The following IFTAP variants were observed in gnomAD, a reference collection of about 807,000 sequenced individuals.
IFTAP encodes intraflagellar transport-associated protein.
A neutral mutation model predicts 19.4 loss-of-function variants in IFTAP; 19 were observed. The observed-to-expected ratio is 0.98, with a 90% CI of 0.68 to 1.44. The LOEUF (loss-of-function observed/expected upper bound fraction) is 1.44, where lower values mean the gene tolerates loss of function less well. Ranked by LOEUF, IFTAP falls within the 40% of genes most tolerant of loss-of-function variation. IFTAP has a pLI of 0.00. For missense variants in IFTAP, 240 were observed against 253.6 expected (o/e 0.95, Z 0.36); for synonymous variants, 85 against 83.5 (o/e 1.02, Z -0.10).
intron 5 of IFTAP, among the ~76,000 whole-genome samples, chr11:36,651,935 A>C (rs562736124): frequency 2.6e-5 from 4 of 152,240 alleles, no homozygotes; most frequent in African/African-American, 7.2e-5. Flanking sequence ...TACCAGTACT[A>C]TGCTGTTTTG....
At chr11:36,652,563 G>T (rs1026957613) in intron 5 of IFTAP, among the ~76,000 whole-genome samples, 1 of 152,124 alleles carries the variant, frequency 6.6e-6, no homozygotes, top group African/African-American at 2.4e-5. Flanking sequence ...CTGCCTGATT[G>T]CCCTGGCCAG....
intron 5 of IFTAP, among the ~76,000 whole-genome samples, chr11:36,653,470 C>A (rs144125155): frequency 6.2e-4 from 94 of 152,248 alleles, no homozygotes; most frequent in African/African-American, 2.2e-3. Context: ...TGTTCCATTG[C>A]ACAAAGTCTT....
chr11:36,610,657 CA>C (rs1239570205), intron 2 of IFTAP, among the ~76,000 whole-genome samples: 4 of 152,214 alleles, frequency 2.6e-5, no homozygotes, highest in South Asian at 2.1e-4. Context: ...GCCATGTGAT[CA>C]GGGGCAGGGG....
chr11:36,595,399 T>A (rs1031184781), intron 1 of IFTAP: 6 of 152,244 alleles, frequency 3.9e-5, no homozygotes, highest in African/African-American at 1.4e-4. Flanking sequence ...ATTGTTTACC[T>A]TAGAGAGTTG....
chr11:36,618,947 G>T (rs181926893), intron 2 of IFTAP, among the ~76,000 whole-genome samples: 9 of 151,972 alleles, frequency 5.9e-5, no homozygotes, highest in African/African-American at 2.2e-4. Flanking sequence ...CCTAGGAGAC[G>T]CTGCCAGTGA....
rs1854124777 is a variant in IFTAP, at chr11:36,659,258, A to G, written c.*72A>G. On this transcript the variant is annotated 3_prime_UTR_variant, in exon 6 of 6. Transcript: ENST00000334307. The stretch of plus-strand genomic sequence containing the variant: ...TATTCTAGCAACATTAGAATAAAAG[A>G]TAAACCTACTATAATTCCCTTTGTG... 3 of 1,320,482 alleles carry G rather than the reference A, an allele frequency of 2.3e-6. No individual in the cohort carries two copies. The highest frequency in any genetic ancestry group is 3.0e-6 in the Non-Finnish European group (3 of 999,814). 81.8% of individuals were successfully genotyped at this position (1,320,482 alleles called of 1,614,324 possible).
At chr11:36,651,090 C>G (rs1853704099) in intron 5 of IFTAP, among the ~76,000 whole-genome samples, 1 of 152,162 alleles carries the variant, frequency 6.6e-6, no homozygotes, top group African/African-American at 2.4e-5. Flanking sequence ...ATGGCTGGGT[C>G]AAATGGTATT....
At chr11:36,640,518 T>C (rs1021823078) in intron 4 of IFTAP, among the ~76,000 whole-genome samples, 3 of 152,242 alleles carry the variant, frequency 2.0e-5, no homozygotes, top group Non-Finnish European at 4.4e-5. Flanking sequence ...AGTGGTGTGC[T>C]GAACTGGTTT....
At chr11:36,629,201 C>T (rs1852635495) in intron 2 of IFTAP, among the ~76,000 whole-genome samples, 1 of 151,150 alleles carries the variant, frequency 6.6e-6, no homozygotes, top group Non-Finnish European at 1.5e-5. Flanking sequence ...AGAAACATTG[C>T]TCTAGGCAAG....
At chr11:36,609,511 A>C (rs1181066614) in intron 1 of IFTAP, among the ~76,000 whole-genome samples, 1 of 152,152 alleles carries the variant, frequency 6.6e-6, no homozygotes, top group Non-Finnish European at 1.5e-5. Context: ...ACTGTTTGTC[A>C]GTGATAGTAG....
rs1461311089 is a variant in IFTAP, at chr11:36,659,024, T to C, written c.504T>C (p.Leu168=). ...TCCTTTGTTACCTTTTATAGATACT[T>C]GGAGATGAAGTTCAACTTTTTTCAC... ...KRMDKQTEEI[L]GDEVQLFSLD... The change falls in exon 6 of 6, where the codon CTT becomes CTC. Residue 168 remains leucine (L), a synonymous_variant. Coordinates refer to ENST00000334307, the MANE Select transcript of IFTAP (RefSeq NM_138787.4). 1 of 1,590,922 alleles carries C rather than the reference T, an allele frequency of 6.3e-7. No homozygotes were observed. The highest frequency in any genetic ancestry group is 1.4e-5 in the African/African-American group (1 of 74,050).
At chr11:36,626,503 T>A (rs777344982) in intron 2 of IFTAP, among the ~76,000 whole-genome samples, 11 of 151,216 alleles carry the variant, frequency 7.3e-5, no homozygotes, top group Non-Finnish European at 1.2e-4. Context: ...TGAATATAAA[T>A]CTACATTTCA....
intron 5 of IFTAP, 29 bp from the exon 6 acceptor site, chr11:36,658,990 G>GT (rs766794501): frequency 1.0e-5 from 15 of 1,484,778 alleles, no homozygotes; most frequent in Non-Finnish European, 1.4e-5. Flanking sequence ...GATTGTGTAT[G>GT]TTTTTTCCTC....
intron 4 of IFTAP, 88 bp from the exon 5 acceptor site, chr11:36,647,928 C>A: frequency 6.8e-7 from 1 of 1,479,992 alleles, no homozygotes; most frequent in Non-Finnish European, 9.2e-7. Context: ...ATATTTGCTT[C>A]ATTTTCTTCG....
chr11:36,607,985 A>G (rs1207256179), intron 1 of IFTAP, among the ~76,000 whole-genome samples: 1 of 152,218 alleles, frequency 6.6e-6, no homozygotes, highest in Non-Finnish European at 1.5e-5. Context: ...AGAGACCCAG[A>G]GAGGTCAAGT....
At chr11:36,646,212 A>T (rs749269421) in intron 4 of IFTAP, among the ~76,000 whole-genome samples, 2 of 152,194 alleles carry the variant, frequency 1.3e-5, no homozygotes. Context: ...CAGAATGATG[A>T]TTTTAAATAG....
rs571562887 is a variant in IFTAP, at chr11:36,639,601, G to A, written c.358+3484G>A. ...GAAACTGCATGACGAGAGAGGAACC[G>A]AGAGAGAGGGAAAGAGGTGCCAGGC... On this transcript the variant is annotated intron_variant, in intron 4 of 5. Transcript: ENST00000334307. Among the ~76,000 whole-genome samples the A allele has an allele frequency of 3.1e-3, 478 of 152,236 alleles. 3 individuals carry two copies. The highest frequency in any genetic ancestry group is 0.011 in the African/African-American group (454 of 41,564).
chr11:36,629,583 A>C (rs1051147367), intron 2 of IFTAP, among the ~76,000 whole-genome samples: 3 of 151,504 alleles, frequency 2.0e-5, no homozygotes, highest in African/African-American at 7.4e-5. Flanking sequence ...TTGAATTTTT[A>C]AAAAAGTTTC....
At chr11:36,597,857 C>T (rs1293050523) in intron 1 of IFTAP, 2 of 152,016 alleles carry the variant, frequency 1.3e-5, no homozygotes, top group African/African-American at 4.8e-5. Flanking sequence ...CTGTCTTAGG[C>T]CAGAGAACGA....
Sources: allele counts gnomAD v4.1 joint callset (sites outside exome capture counted in the v4.1 genomes callset), GRCh38; gene constraint gnomAD v4.1.1; transcripts MANE v1.5; gene names NCBI Gene and HGNC (gene_info 2026-07-23, HGNC 2026-07-21).